Variants in GSDMC observed in about 807,000 individuals in gnomAD.
GSDMC encodes the protein gasdermin-C.
A neutral mutation model predicts 58.0 loss-of-function variants in GSDMC; 59 were observed. The observed-to-expected ratio is 1.02, with a 90% CI of 0.82 to 1.26. The LOEUF (loss-of-function observed/expected upper bound fraction) is 1.26, where lower values mean the gene tolerates loss of function less well. GSDMC is among the 50% of genes most tolerant of loss of function. The pLI is 0.00. For synonymous variants in GSDMC, 241 were observed against 220.2 expected (o/e 1.09, Z -0.83); for missense variants, 659 against 598.5 (o/e 1.10, Z -1.06).
intron 3 of GSDMC, among the ~76,000 whole-genome samples, chr8:129,771,325 A>G (rs1563807606): frequency 6.6e-6 from 1 of 152,140 alleles, no homozygotes; most frequent in East Asian, 1.9e-4. Context: ...AATGAACCTA[A>G]CAGACATATA....
intron 11 of GSDMC, 104 bp downstream of exon 11, chr8:129,750,327 G>T: frequency 2.4e-6 from 3 of 1,236,148 alleles, no homozygotes; most frequent in South Asian, 1.5e-5. Context: ...CATTCCCCTG[G>T]CATCTTGCTT....
At chr8:129,751,954 G>A in intron 8 of GSDMC, 63 bp from the exon 9 acceptor site, 1 of 1,541,374 alleles carries the variant, frequency 6.5e-7, no homozygotes, top group Middle Eastern at 1.7e-4. Flanking sequence ...CCAACCTTCT[G>A]CCCTTCTTTC....
At chr8:129,762,817 T>C (rs2033718908) in intron 4 of GSDMC, 86 bp from the exon 5 acceptor site, 2 of 850,730 alleles carry the variant, frequency 2.4e-6, no homozygotes, top group Admixed American at 1.9e-5. Context: ...AGGAAAAACA[T>C]CAGCATTCCC....
At position 129,776,268 on chromosome 8, in the gene GSDMC, G is replaced by A. The variant is rs1375926726; in HGVS notation, c.238C>T (p.Pro80Ser). ...ATCATAATGTCACTGAAGTGGAACGGTCCTGTCACAACAGTTTCTGGGGAA... is the reference window on the plus strand; with the variant it reads ...ATCATAATGTCACTGAAGTGGAACGATCCTGTCACAACAGTTTCTGGGGAA... ...SSVLETVVTG[P>S]FHFSDIMIQK... is the part of the protein sequence containing the mutation. The change falls in exon 3 of 14, where the codon CCG becomes TCG. Residue 80 changes from proline (P) to serine (S), a missense_variant. Physicochemically the swap from Pro to Ser is moderately conservative, Grantham distance 74 (BLOSUM62 -1). Transcript: ENST00000276708. The A allele has an allele frequency of 6.2e-7, 1 of 1,609,176 alleles. No homozygotes were observed. Among genetic ancestry groups the A allele is most frequent in the Non-Finnish European group, 8.5e-7 (1 of 1,178,176 alleles).
the GSDMC span, among the ~76,000 whole-genome samples, chr8:129,726,778 C>A: frequency 1.4e-5 from 2 of 144,940 alleles, no homozygotes; most frequent in African/African-American, 2.5e-5. Flanking sequence ...CCCCACCCAC[C>A]CCCTGCCTCT....
At chr8:129,720,521 T>C in the GSDMC span, among the ~76,000 whole-genome samples, 1 of 152,142 alleles carries the variant, frequency 6.6e-6, no homozygotes, top group African/African-American at 2.4e-5. Flanking sequence ...TAAGAATAAT[T>C]CCACATACAT....
At chr8:129,707,848 A>G in the GSDMC span, among the ~76,000 whole-genome samples, 2 of 152,240 alleles carry the variant, frequency 1.3e-5, no homozygotes, top group Non-Finnish European at 2.9e-5. Flanking sequence ...ATAAAAACAG[A>G]GATAAGAGGA....
the GSDMC span, among the ~76,000 whole-genome samples, chr8:129,708,157 T>C: frequency 6.6e-6 from 1 of 152,170 alleles, no homozygotes; most frequent in African/African-American, 2.4e-5. Context: ...GACTAAGAAT[T>C]TAAGACTGTG....
downstream of GSDMC, among the ~76,000 whole-genome samples, chr8:129,747,402 C>T (rs2032988444): frequency 6.6e-6 from 1 of 151,940 alleles, no homozygotes; most frequent in Non-Finnish European, 1.5e-5. Flanking sequence ...ATTTTCTTGC[C>T]TTTTTTAGCA....
At chr8:129,781,986 A>G (rs181712533) in intron 1 of GSDMC, among the ~76,000 whole-genome samples, 17 of 152,348 alleles carry the variant, frequency 1.1e-4, no homozygotes, top group African/African-American at 4.1e-4. Context: ...CCAGTCTTAA[A>G]ACACTCAAAA....
intron 4 of GSDMC, 25 bp from the exon 5 acceptor site, chr8:129,762,756 A>ATTTAATACT: frequency 6.8e-7 from 1 of 1,461,050 alleles, no homozygotes; most frequent in Non-Finnish European, 9.6e-7. Context: ...CAGACAATAC[A>ATTTAATACT]GTATTAAATG....
chr8:129,765,516 T>G (rs2033823373), intron 4 of GSDMC, 112 bp downstream of exon 4: 2 of 776,902 alleles, frequency 2.6e-6, no homozygotes, highest in Non-Finnish European at 4.5e-6. Context: ...AATGACTCCA[T>G]CCCTTGTAAT....
In GSDMC at chr8:129,748,711, T is replaced by C. The variant is rs569568081; in HGVS notation, c.1317A>G (p.Arg439=). The C allele has an allele frequency of 3.9e-6, 6 of 1,544,092 alleles. No homozygotes were observed. The highest frequency in any genetic ancestry group is 5.2e-6 in the Non-Finnish European group (6 of 1,147,518). ...GGGTGAAGGGAATGCTCCAGGGGTA[T>C]CTGAAGTTTGGCTCCAGGATGCTCC... The part of the protein sequence containing the change: ...LVRSILEPNF[R]YPWSIPFTLK... The change falls in exon 14 of 14, where the codon AGA becomes AGG. Residue 439 remains arginine, a synonymous_variant. Transcript: ENST00000276708.
At chr8:129,740,967 C>T in the GSDMC span, among the ~76,000 whole-genome samples, 1 of 152,066 alleles carries the variant, frequency 6.6e-6, no homozygotes, top group African/African-American at 2.4e-5. Flanking sequence ...GGTAGCCTTG[C>T]CGTTTCAAGT....
intron 3 of GSDMC, among the ~76,000 whole-genome samples, chr8:129,774,766 G>T (rs1409631600): frequency 6.6e-6 from 1 of 151,994 alleles, no homozygotes; most frequent in African/African-American, 2.4e-5. Flanking sequence ...ATGGGCAAAG[G>T]ACCTAAATAG....
chr8:129,719,822 G>T, the GSDMC span, among the ~76,000 whole-genome samples: 1 of 152,150 alleles, frequency 6.6e-6, no homozygotes, highest in East Asian at 1.9e-4. Flanking sequence ...GTGTGCACCT[G>T]TAATTCCATC....
At chr8:129,729,691 T>G in the GSDMC span, 1 of 479,250 alleles carries the variant, frequency 2.1e-6, no homozygotes, top group South Asian at 2.9e-5. Context: ...GTGCCACATT[T>G]TCTTTATCCA....
At chr8:129,752,948 A>G in intron 6 of GSDMC, 128 bp from the exon 7 acceptor site, 1 of 1,456,110 alleles carries the variant, frequency 6.9e-7, no homozygotes, top group Non-Finnish European at 9.2e-7. Context: ...CATTTGAACA[A>G]GACCCACTCA....
chr8:129,766,523 G>C (rs1390070012), intron 3 of GSDMC, among the ~76,000 whole-genome samples: 3 of 152,154 alleles, frequency 2.0e-5, no homozygotes, highest in Admixed American at 2.0e-4. Flanking sequence ...ACAATATTAG[G>C]TTTTGTCATT....
Sources: allele counts gnomAD v4.1 joint callset (sites outside exome capture counted in the v4.1 genomes callset), GRCh38; gene constraint gnomAD v4.1.1; transcripts MANE v1.5; gene names NCBI Gene and HGNC (gene_info 2026-07-23, HGNC 2026-07-21).